Variants in CNTN4 observed in about 807,000 individuals in gnomAD.
The protein encoded by CNTN4 is contactin-4.
Under a neutral mutation model 122.5 loss-of-function variants are expected in CNTN4, and 77 were observed. The observed-to-expected ratio is 0.63, with a 90% confidence interval of 0.52 to 0.76. The LOEUF is 0.76. CNTN4 is among the 30% of genes least tolerant of loss of function. The probability of loss-of-function intolerance (pLI) is 0.00; values close to 1 mark genes in which losing one functional copy is unlikely to be tolerated. For missense variants in CNTN4, 1,256 were observed against 1,259.1 expected, an observed-to-expected ratio of 1.00 and a Z score of 0.04; for synonymous variants, 512 against 447.0, an observed-to-expected ratio of 1.15 and a Z score of -1.83.
intron 3 of CNTN4, among the ~76,000 whole-genome samples, chr3:2,530,278 T>C (rs966715716): frequency 1.3e-5 from 2 of 151,746 alleles, no homozygotes; most frequent in South Asian, 4.1e-4. Flanking sequence ...ATTTCACTAA[T>C]ATACTCTATT....
Position 2,697,927 on chromosome 3 carries a change from G to T in CNTN4, c.56-38288G>T, listed in dbSNP as rs539359037. ...ACTGATTGGATGAGGCCCACCCACA[G>T]GTTCCAGGGCAATTTGCTTTATACT... On this transcript the variant is annotated intron_variant, in intron 4 of 24. Transcript: ENST00000418658. Among the ~76,000 whole-genome samples, 3 of 152,238 alleles carry T rather than the reference G, an allele frequency of 2.0e-5. No individual in the cohort carries two copies. The South Asian group carries it at 6.2e-4, about 32-fold the overall frequency.
At position 2,573,310 on chromosome 3, in the gene CNTN4, C is replaced by T. The variant is rs139870545; in HGVS notation, c.55+1752C>T. Among the ~76,000 whole-genome samples the T allele has an allele frequency of 3.1e-4, 47 of 152,248 alleles. No homozygotes were observed. The East Asian group carries it at 7.5e-3, about 24-fold the overall frequency. The stretch of plus-strand genomic sequence containing the variant: ...AAACTTCTTGCCTTAGTTGAGTTCA[C>T]GTCTTCCCCGCTGCATGATTGTGAA... On this transcript the variant is annotated intron_variant, in intron 4 of 24. Transcript: ENST00000418658.
intron 3 of CNTN4, among the ~76,000 whole-genome samples, chr3:2,390,110 G>C (rs915331453): frequency 3.3e-5 from 5 of 151,794 alleles, no homozygotes; most frequent in African/African-American, 1.2e-4. Flanking sequence ...TTTTACTGTG[G>C]TTATTGAAGA....
intron 2 of CNTN4, among the ~76,000 whole-genome samples, chr3:2,214,948 CA>C (rs1460311000): frequency 1.3e-5 from 2 of 152,088 alleles, no homozygotes; most frequent in Non-Finnish European, 2.9e-5. Context: ...TATAAATATT[CA>C]AAACATAATG....
chr3:2,224,610 G>C (rs992822389), intron 2 of CNTN4, among the ~76,000 whole-genome samples: 12 of 152,150 alleles, frequency 7.9e-5, no homozygotes, highest in Non-Finnish European at 1.5e-4. Flanking sequence ...CTGAGTAGAG[G>C]TCTGGTCTTG....
chr3:2,786,595 C>G (rs1448008264), intron 6 of CNTN4, among the ~76,000 whole-genome samples: 2 of 152,202 alleles, frequency 1.3e-5, no homozygotes, highest in African/African-American at 2.4e-5. Context: ...TCTCACCCCT[C>G]ACCACCATCT....
intron 3 of CNTN4, among the ~76,000 whole-genome samples, chr3:2,452,323 C>G (rs1008835385): frequency 6.6e-6 from 1 of 152,178 alleles, no homozygotes. Context: ...ACTGCAGGAG[C>G]ACCAAGTGTT....
Position 2,778,014 on chromosome 3 carries a change from G to A in CNTN4, c.358+32317G>A, listed in dbSNP as rs576875367. ...CGGATCATGAGGTCAGGAGATCGAG[G>A]CCATCCTGGCTAACACGGTGAAACC... On this transcript the variant is annotated intron_variant, in intron 6 of 24. Coordinates refer to ENST00000418658, the MANE Select transcript of CNTN4 (RefSeq NM_175607.3). Among the ~76,000 whole-genome samples the A allele has an allele frequency of 3.1e-3, 464 of 151,484 alleles. 3 individuals carry two copies. Among genetic ancestry groups the A allele is most frequent in the Middle Eastern group, 0.01 (3 of 294 alleles).
intron 2 of CNTN4, among the ~76,000 whole-genome samples, chr3:2,154,635 A>G (rs2149138678): frequency 6.6e-6 from 1 of 152,308 alleles, no homozygotes; most frequent in Middle Eastern, 3.4e-3. Flanking sequence ...TAGATCTCAG[A>G]TTTATATGTA....
intron 3 of CNTN4, among the ~76,000 whole-genome samples, chr3:2,512,346 A>C (rs182191130): frequency 1.3e-5 from 2 of 152,286 alleles, no homozygotes; most frequent in East Asian, 3.9e-4. Context: ...CTTCTTAAGA[A>C]GTAATGTGAA....
intron 2 of CNTN4, among the ~76,000 whole-genome samples, chr3:2,217,539 C>T (rs1175345406): frequency 1.3e-5 from 2 of 152,292 alleles, no homozygotes; most frequent in Middle Eastern, 3.4e-3. Flanking sequence ...ATCATAATCA[C>T]TTTCAGGAGT....
At chr3:2,916,406 T>C (rs2094355674) in intron 12 of CNTN4, among the ~76,000 whole-genome samples, 1 of 149,066 alleles carries the variant, frequency 6.7e-6, no homozygotes, top group South Asian at 2.2e-4. Context: ...TGATGACTGT[T>C]AAGGAGCATG....
chr3:2,813,276 T>C (rs2150163271), intron 6 of CNTN4, among the ~76,000 whole-genome samples: 1 of 152,354 alleles, frequency 6.6e-6, no homozygotes, highest in East Asian at 1.9e-4. Flanking sequence ...TCCAAGTTGA[T>C]GTTCATCTCC....
At chr3:2,814,402 G>A (rs1011294161) in intron 6 of CNTN4, among the ~76,000 whole-genome samples, 1 of 152,150 alleles carries the variant, frequency 6.6e-6, no homozygotes, top group Non-Finnish European at 1.5e-5. Flanking sequence ...TCCTAACAAG[G>A]CAGCAATCCT....
At chr3:2,468,502 T>G (rs895713913) in intron 3 of CNTN4, among the ~76,000 whole-genome samples, 1 of 152,166 alleles carries the variant, frequency 6.6e-6, no homozygotes, top group Non-Finnish European at 1.5e-5. Flanking sequence ...ATTTCAGAAA[T>G]GCAGAGTCTT....
intron 4 of CNTN4, among the ~76,000 whole-genome samples, chr3:2,581,669 G>T (rs990461344): frequency 1.3e-5 from 2 of 152,118 alleles, no homozygotes; most frequent in Non-Finnish European, 2.9e-5. Flanking sequence ...CCTGCAAATT[G>T]CATTGACCAA....
intron 3 of CNTN4, among the ~76,000 whole-genome samples, chr3:2,361,042 C>T (rs1392832351): frequency 6.6e-6 from 1 of 152,080 alleles, no homozygotes; most frequent in Admixed American, 6.5e-5. Context: ...TGTTGCTTTT[C>T]TTAAGCAGTT....
chr3:2,842,436 C>G (rs1456286911), intron 7 of CNTN4, among the ~76,000 whole-genome samples: 3 of 152,182 alleles, frequency 2.0e-5, no homozygotes, highest in African/African-American at 7.2e-5. Context: ...TTACTCCTCT[C>G]TCCTGCATTA....
intron 7 of CNTN4, among the ~76,000 whole-genome samples, chr3:2,860,147 C>T (rs1312332729): frequency 6.6e-6 from 1 of 152,202 alleles, no homozygotes; most frequent in African/African-American, 2.4e-5. Context: ...TAGTACTAGG[C>T]CTTATCTAAT....
Sources: allele counts gnomAD v4.1 joint callset (sites outside exome capture counted in the v4.1 genomes callset), GRCh38; gene constraint gnomAD v4.1.1; transcripts MANE v1.5; gene names NCBI Gene and HGNC (gene_info 2026-07-23, HGNC 2026-07-21).